UNC5C: variants seen among roughly 807,000 people sequenced by gnomAD.
The protein encoded by UNC5C is unc-5 netrin receptor C, also known as netrin receptor UNC5C.
UNC5C carries 47 observed loss-of-function variants against 99.8 expected under a neutral mutation model. The ratio of observed to expected loss-of-function variants is 0.47; its 90% CI spans 0.37 to 0.60. The LOEUF is 0.60. UNC5C is among the 20% of genes least tolerant of loss of function. The pLI, the probability that UNC5C is intolerant of heterozygous loss-of-function variation, is 0.00. For synonymous variants in UNC5C, 487 were observed against 452.2 expected (o/e 1.08, Z -0.98); for missense variants, 1,062 against 1,165.9 (o/e 0.91, Z 1.30).
chr4:95,442,061 C>A (rs4082392), intron 1 of UNC5C, among the ~76,000 whole-genome samples: 1 of 152,114 alleles, frequency 6.6e-6, no homozygotes, highest in Non-Finnish European at 1.5e-5. Flanking sequence ...AGACATGTGA[C>A]GCTGTGAACC....
chr4:95,331,285 T>G (rs1358769658), intron 2 of UNC5C, among the ~76,000 whole-genome samples: 1 of 152,112 alleles, frequency 6.6e-6, no homozygotes, highest in Non-Finnish European at 1.5e-5. Flanking sequence ...AACATATGAG[T>G]GCAGGTATCT....
chr4:95,241,445 A>T (rs1299061157), intron 7 of UNC5C, among the ~76,000 whole-genome samples: 1 of 152,230 alleles, frequency 6.6e-6, no homozygotes, highest in Non-Finnish European at 1.5e-5. Context: ...AGTAAACAGG[A>T]TTTCATAAGT....
chr4:95,256,269 G>A (rs561930318), intron 4 of UNC5C, among the ~76,000 whole-genome samples: 7 of 151,980 alleles, frequency 4.6e-5, no homozygotes, highest in Admixed American at 1.3e-4. Context: ...CTCCAGACTC[G>A]TATATCCAAC....
At chr4:95,427,952 A>G (rs1483120793) in intron 1 of UNC5C, among the ~76,000 whole-genome samples, 4 of 152,132 alleles carry the variant, frequency 2.6e-5, no homozygotes, top group East Asian at 3.9e-4. Flanking sequence ...ATATTTTTCT[A>G]TATAATAGGC....
intron 1 of UNC5C, among the ~76,000 whole-genome samples, chr4:95,357,314 T>C (rs1233456713): frequency 6.6e-6 from 1 of 151,886 alleles, no homozygotes; most frequent in Non-Finnish European, 1.5e-5. Context: ...TTTTTTAAAT[T>C]ATATTTTTGT....
intron 1 of UNC5C, among the ~76,000 whole-genome samples, chr4:95,494,762 C>T (rs1364649641): frequency 1.3e-5 from 2 of 151,426 alleles, no homozygotes; most frequent in South Asian, 2.1e-4. Flanking sequence ...AACATATTTA[C>T]ATGCCTTTAA....
chr4:95,351,293 C>T (rs758591332), intron 1 of UNC5C, among the ~76,000 whole-genome samples: 3 of 150,632 alleles, frequency 2.0e-5, no homozygotes, highest in Non-Finnish European at 4.4e-5. Context: ...CCAATGTCTA[C>T]TTCAGGGTCA....
intron 12 of UNC5C, among the ~76,000 whole-genome samples, chr4:95,200,952 G>A (rs990991861): frequency 6.6e-6 from 1 of 152,022 alleles, no homozygotes; most frequent in Non-Finnish European, 1.5e-5. Flanking sequence ...GGTCATAAAG[G>A]TGGTGCCCTT....
At chr4:95,403,422 G>A (rs1308727323) in intron 1 of UNC5C, among the ~76,000 whole-genome samples, 2 of 152,116 alleles carry the variant, frequency 1.3e-5, no homozygotes, top group Admixed American at 1.3e-4. Context: ...TGACAAGAAG[G>A]CTTTTCATTT....
rs150089453 is a variant in UNC5C, at chr4:95,220,065, C to T, written c.1220G>A (p.Arg407His). The T allele has an allele frequency of 5.2e-5, 84 of 1,614,084 alleles. No homozygotes were observed. Among genetic ancestry groups the T allele is most frequent in the African/African-American group, 2.3e-4 (17 of 75,030 alleles). Residue 407 changes from arginine to histidine, a missense_variant, in exon 8 of 16, where the codon CGT (arginine) becomes CAT (histidine). Physicochemically the swap from Arg to His is conservative, Grantham distance 29 (BLOSUM62 0). Around this residue, in one of 3 missense-constraint regions of UNC5C, gnomAD observed 810 missense variants for 854.5 expected, o/e 0.95. Transcript: ENST00000453304. ...GTCAATAATATCTGACTCAAAGTCA[C>T]GATGATTCTTCCGATACACAAACAA... ...VALFVYRKNH[R>H]DFESDIIDSS...
chr4:95,497,901 A>C (rs13139243), intron 1 of UNC5C, among the ~76,000 whole-genome samples: 41,718 of 151,746 alleles, frequency 0.27, 6,791 homozygotes, highest in Non-Finnish European at 0.36. Context: ...AATCCTACAT[A>C]ATTCTTTAAT....
intron 3 of UNC5C, among the ~76,000 whole-genome samples, chr4:95,287,780 G>GT (rs1741288989): frequency 6.6e-6 from 1 of 152,196 alleles, no homozygotes; most frequent in South Asian, 2.1e-4. Context: ...TTATGGCCAT[G>GT]TTTTTATCCG....
At chr4:95,349,101 T>C (rs1743887773) in intron 1 of UNC5C, among the ~76,000 whole-genome samples, 1 of 151,290 alleles carries the variant, frequency 6.6e-6, no homozygotes, top group Non-Finnish European at 1.5e-5. Context: ...TATTATACAT[T>C]TCAACATAAC....
chr4:95,485,541 A>T (rs1721301479), intron 1 of UNC5C, among the ~76,000 whole-genome samples: 1 of 151,790 alleles, frequency 6.6e-6, no homozygotes, highest in Non-Finnish European at 1.5e-5. Flanking sequence ...GCACCAAAGG[A>T]AACTAACATT....
chr4:95,206,575 C>T, intron 11 of UNC5C, 53 bp downstream of exon 11: 1 of 1,607,932 alleles, frequency 6.2e-7, no homozygotes, highest in African/African-American at 1.3e-5. Context: ...ATTGCTCCTG[C>T]TTATCTGCAT....
intron 1 of UNC5C, among the ~76,000 whole-genome samples, chr4:95,364,003 T>A (rs537079849): frequency 9.8e-5 from 15 of 152,296 alleles, no homozygotes; most frequent in African/African-American, 3.6e-4. Flanking sequence ...TACTTTTACA[T>A]CTGTGTTTAC....
chr4:95,179,695 T>TGAA (rs1736525483), intron 14 of UNC5C, among the ~76,000 whole-genome samples: 1 of 139,148 alleles, frequency 7.2e-6, no homozygotes. Context: ...TGCAGTGAGC[T>TGAA]GAAGTCGTGC....
At chr4:95,501,664 T>C (rs1233031760) in intron 1 of UNC5C, among the ~76,000 whole-genome samples, 2 of 152,116 alleles carry the variant, frequency 1.3e-5, no homozygotes, top group Non-Finnish European at 2.9e-5. Flanking sequence ...TTAAAAATAA[T>C]AAACTATAGC....
At chr4:95,258,425 TA>T (rs1740087525) in intron 4 of UNC5C, among the ~76,000 whole-genome samples, 1 of 152,082 alleles carries the variant, frequency 6.6e-6, no homozygotes, top group Non-Finnish European at 1.5e-5. Flanking sequence ...TTTAGTTACA[TA>T]AAAATATTCC....
Sources: allele counts gnomAD v4.1 joint callset (sites outside exome capture counted in the v4.1 genomes callset), GRCh38; gene constraint gnomAD v4.1.1; regional missense constraint gnomAD v4.1.1; transcripts MANE v1.5; gene names NCBI Gene and HGNC (gene_info 2026-07-23, HGNC 2026-07-21).